Variants in XKR4 observed in about 807,000 individuals in gnomAD.
The protein encoded by XKR4 is XK related 4, also known as XK-related protein 4.
XKR4 carries 12 observed loss-of-function variants against 53.9 expected under a neutral mutation model. That is an observed-to-expected ratio of 0.22 (90% CI 0.14 to 0.36). The LOEUF is 0.36. Among genes scored for constraint, XKR4 ranks in the 10% least tolerant of loss-of-function variants. The pLI is 1.00. For missense variants in XKR4, 799 were observed against 859.5 expected (o/e 0.93, Z 0.88); for synonymous variants, 354 against 362.4 (o/e 0.98, Z 0.26).
At chr8:55,368,659 A>G (rs998936349) in intron 2 of XKR4, among the ~76,000 whole-genome samples, 3 of 152,032 alleles carry the variant, frequency 2.0e-5, no homozygotes, top group Non-Finnish European at 4.4e-5. Context: ...ATTCATCCCT[A>G]TGTTTTATTA....
intron 1 of XKR4, among the ~76,000 whole-genome samples, chr8:55,165,478 A>G (rs1202866622): frequency 6.6e-6 from 1 of 152,164 alleles, no homozygotes; most frequent in Non-Finnish European, 1.5e-5. Flanking sequence ...GCAAAGTATC[A>G]TGAAATATAT....
At chr8:55,507,715 A>G (rs1302946543) in intron 2 of XKR4, among the ~76,000 whole-genome samples, 1 of 152,130 alleles carries the variant, frequency 6.6e-6, no homozygotes, top group East Asian at 1.9e-4. Flanking sequence ...TCCATGGTGT[A>G]TATGTGCCAC....
intron 1 of XKR4, among the ~76,000 whole-genome samples, chr8:55,285,475 A>G (rs565619268): frequency 6.6e-6 from 1 of 152,320 alleles, no homozygotes; most frequent in South Asian, 2.1e-4. Flanking sequence ...ATGAAATGGT[A>G]GATATGCATG....
intron 2 of XKR4, among the ~76,000 whole-genome samples, chr8:55,378,753 G>T (rs1254977913): frequency 1.3e-5 from 2 of 151,792 alleles, no homozygotes; most frequent in Non-Finnish European, 2.9e-5. Flanking sequence ...TTCAAGCCCT[G>T]ACTCTATGAT....
intron 2 of XKR4, among the ~76,000 whole-genome samples, chr8:55,403,742 C>A (rs1311668744): frequency 6.6e-6 from 1 of 152,236 alleles, no homozygotes; most frequent in Non-Finnish European, 1.5e-5. Flanking sequence ...CTCTCCCCAC[C>A]AACTTTCTTC....
intron 2 of XKR4, among the ~76,000 whole-genome samples, chr8:55,506,277 G>T (rs999719682): frequency 6.6e-6 from 1 of 152,186 alleles, no homozygotes; most frequent in African/African-American, 2.4e-5. Context: ...AATCAGTCTG[G>T]CATCTCTACT....
At chr8:55,451,521 G>A in intron 2 of XKR4, 3 of 1,043,256 alleles carry the variant, frequency 2.9e-6, no homozygotes, top group Non-Finnish European at 4.3e-6. Flanking sequence ...GGGCCTTAAA[G>A]AGTCCGACTA....
At chr8:55,171,887 G>A (rs150995921) in intron 1 of XKR4, among the ~76,000 whole-genome samples, 119 of 152,226 alleles carry the variant, frequency 7.8e-4, no homozygotes, top group African/African-American at 2.7e-3. Context: ...CTTCCCGGCT[G>A]TCCTTCTTGC....
At chr8:55,436,200 A>G (rs1387928186) in intron 2 of XKR4, among the ~76,000 whole-genome samples, 1 of 152,184 alleles carries the variant, frequency 6.6e-6, no homozygotes, top group Non-Finnish European at 1.5e-5. Context: ...AAGACTAATT[A>G]ACAGGTTCTC....
chr8:55,437,569 A>G (rs1013469675), intron 2 of XKR4, among the ~76,000 whole-genome samples: 7 of 152,228 alleles, frequency 4.6e-5, no homozygotes, highest in African/African-American at 7.2e-5. Context: ...CAAAAATCAT[A>G]TGGATCTGAG....
chr8:55,402,224 G>A (rs1804611767), intron 2 of XKR4, among the ~76,000 whole-genome samples: 1 of 152,182 alleles, frequency 6.6e-6, no homozygotes, highest in African/African-American at 2.4e-5. Flanking sequence ...GCCACACTTT[G>A]GGAACTACTG....
At chr8:55,272,185 G>C (rs965375546) in intron 1 of XKR4, among the ~76,000 whole-genome samples, 7 of 152,158 alleles carry the variant, frequency 4.6e-5, no homozygotes, top group African/African-American at 1.7e-4. Context: ...CTACTGAAGT[G>C]GCTAGGGCTT....
In XKR4 at chr8:55,524,723, A is replaced by T. The variant is rs1806857752; in HGVS notation, c.*496A>T. On this transcript the variant is annotated 3_prime_UTR_variant, in exon 3 of 3. Transcript: ENST00000327381. Reference sequence around the variant, plus strand: ...AATATAAAAACAAAGAAAGAGGGAAACATCCCTCGAGAAAAAAAATAGTAT... The same window carrying T: ...AATATAAAAACAAAGAAAGAGGGAATCATCCCTCGAGAAAAAAAATAGTAT... 6.5e-6 allele frequency: 1 copy of T among 153,234 alleles called. No individual in the cohort carries two copies. The highest frequency in any genetic ancestry group is 1.5e-5 in the Non-Finnish European group (1 of 68,880). 9.5% of individuals were successfully genotyped at this position (153,234 alleles called of 1,614,324 possible). A position where few individuals can be genotyped will look rare whatever the true frequency, so the allele number is the denominator to read the frequency against.
At chr8:55,314,645 T>C (rs1819437940) in intron 1 of XKR4, among the ~76,000 whole-genome samples, 1 of 152,216 alleles carries the variant, frequency 6.6e-6, no homozygotes, top group African/African-American at 2.4e-5. Flanking sequence ...CAATATTTGA[T>C]TTTTAGCATT....
chr8:55,135,889 CT>C (rs71256514), intron 1 of XKR4, among the ~76,000 whole-genome samples: 35,946 of 145,630 alleles, frequency 0.25, 3,753 homozygotes, highest in Middle Eastern at 0.39. Context: ...AACATGCTCA[CT>C]TTTTTTTTTT....
chr8:55,330,150 T>A (rs1803362734), intron 1 of XKR4, among the ~76,000 whole-genome samples: 1 of 152,206 alleles, frequency 6.6e-6, no homozygotes, highest in Admixed American at 6.5e-5. Context: ...TGATTTTTAA[T>A]TGACATATAA....
chr8:55,171,503 C>G (rs1488250733), intron 1 of XKR4, among the ~76,000 whole-genome samples: 1 of 152,188 alleles, frequency 6.6e-6, no homozygotes, highest in South Asian at 2.1e-4. Context: ...ACCTGGTGAC[C>G]AGCTTAGGTC....
intron 2 of XKR4, among the ~76,000 whole-genome samples, chr8:55,405,728 G>A (rs1040460051): frequency 1.3e-5 from 2 of 152,178 alleles, no homozygotes; most frequent in Non-Finnish European, 2.9e-5. Context: ...TCTAGAGAAG[G>A]AAGTGAGTTG....
intron 1 of XKR4, among the ~76,000 whole-genome samples, chr8:55,107,070 C>T (rs1428997201): frequency 1.3e-5 from 2 of 152,116 alleles, no homozygotes; most frequent in African/African-American, 4.8e-5. Flanking sequence ...ATGCAAAGCA[C>T]TTGGATAAAT....
Sources: gnomAD v4.1 joint callset for allele counts (sites outside exome capture counted in the v4.1 genomes callset) on GRCh38, gnomAD v4.1.1 for gene constraint, MANE v1.5 for transcripts, NCBI Gene and HGNC (gene_info 2026-07-23, HGNC 2026-07-21) for gene names.